The following AK4 variants were observed in gnomAD, a reference collection of about 807,000 sequenced individuals.
The protein encoded by AK4 is adenylate kinase 4.
Under a neutral mutation model 24.6 loss-of-function variants are expected in AK4, and 13 were observed. The ratio of observed to expected loss-of-function variants is 0.53; its 90% CI spans 0.34 to 0.84. The LOEUF (loss-of-function observed/expected upper bound fraction) is 0.84. Among genes scored for constraint, AK4 ranks in the 40% least tolerant of loss-of-function variants. AK4 has a pLI of 0.01. For synonymous variants in AK4, 88 were observed against 107.0 expected, an observed-to-expected ratio of 0.82 and a Z score of 1.10; for missense variants, 192 against 288.2, an observed-to-expected ratio of 0.67 and a Z score of 2.42.
At chr1:65,156,905 G>A (rs1484673022) in intron 1 of AK4, among the ~76,000 whole-genome samples, 6 of 140,424 alleles carry the variant, frequency 4.3e-5, no homozygotes, top group Non-Finnish European at 6.0e-5. Flanking sequence ...CAGCCTGGAC[G>A]ACAGGGCGAG....
intron 2 of AK4, among the ~76,000 whole-genome samples, chr1:65,193,721 C>T (rs769764852): frequency 6.6e-6 from 1 of 152,214 alleles, no homozygotes; most frequent in Admixed American, 6.5e-5. Context: ...AAAGTCAGTC[C>T]TCCATGTGCA....
intron 1 of AK4, chr1:65,148,859 T>G: frequency 7.8e-6 from 2 of 255,930 alleles, no homozygotes; most frequent in Non-Finnish European, 7.3e-6. Context: ...AACCCGGAGC[T>G]TCCGTCTCAC....
chr1:65,172,063 G>GTATATATATATA (rs3051712), intron 1 of AK4, among the ~76,000 whole-genome samples: 935 of 65,530 alleles, frequency 0.014, 68 homozygotes, highest in Non-Finnish European at 0.027. Flanking sequence ...TCCATCTCAA[G>GTATATATATATA]TATATATATA....
intron 1 of AK4, among the ~76,000 whole-genome samples, chr1:65,150,291 T>C (rs908656337): frequency 1.5e-4 from 19 of 128,730 alleles, no homozygotes; most frequent in African/African-American, 6.6e-4. Flanking sequence ...CTCTCTTTTT[T>C]TTTTTTAACT....
intron 3 of AK4, among the ~76,000 whole-genome samples, chr1:65,222,038 G>A (rs537423156): frequency 2.0e-5 from 3 of 152,290 alleles, no homozygotes; most frequent in African/African-American, 7.2e-5. Context: ...GATAGAAGGG[G>A]CTCCAAGTGG....
intron 2 of AK4, among the ~76,000 whole-genome samples, chr1:65,213,365 G>T (rs969669541): frequency 1.3e-5 from 2 of 152,184 alleles, no homozygotes; most frequent in South Asian, 4.1e-4. Context: ...GCTTATGGAA[G>T]TAGTGGCTGT....
chr1:65,200,175 G>A (rs1023759339), intron 2 of AK4, among the ~76,000 whole-genome samples: 2 of 151,800 alleles, frequency 1.3e-5, no homozygotes, highest in African/African-American at 4.8e-5. Flanking sequence ...GTGCAATGGT[G>A]CGATCTTGGC....
intron 2 of AK4, among the ~76,000 whole-genome samples, chr1:65,209,704 C>G (rs1001807244): frequency 5.3e-5 from 8 of 152,194 alleles, no homozygotes; most frequent in Admixed American, 3.3e-4. Context: ...AATGCTGAAG[C>G]TCCCATGCTA....
chr1:65,151,298 A>G (rs1432795749), intron 1 of AK4, among the ~76,000 whole-genome samples: 1 of 152,040 alleles, frequency 6.6e-6, no homozygotes, highest in East Asian at 1.9e-4. Context: ...TATTGATTCT[A>G]ATGTTGCAGT....
At chr1:65,167,390 C>T (rs1417032808) in intron 1 of AK4, among the ~76,000 whole-genome samples, 4 of 151,706 alleles carry the variant, frequency 2.6e-5, no homozygotes, top group Non-Finnish European at 4.4e-5. Flanking sequence ...GTACAGTTTC[C>T]CAGTTTTCTT....
At chr1:65,181,249 C>T (rs573457533) in intron 1 of AK4, among the ~76,000 whole-genome samples, 1 of 151,738 alleles carries the variant, frequency 6.6e-6, no homozygotes. Context: ...TTCCATCTCT[C>T]TCCTCCAGCA....
intron 1 of AK4, among the ~76,000 whole-genome samples, chr1:65,163,252 C>T (rs1285766790): frequency 2.0e-5 from 3 of 152,304 alleles, no homozygotes; most frequent in East Asian, 1.9e-4. Context: ...TTCTTCTCAT[C>T]GTCAACTTTT....
chr1:65,205,065 A>G (rs1042036702), intron 2 of AK4, among the ~76,000 whole-genome samples: 4 of 152,142 alleles, frequency 2.6e-5, no homozygotes, highest in Non-Finnish European at 5.9e-5. Context: ...ATTTTGCTGG[A>G]TATTTTTTTC....
chr1:65,164,651 C>G (rs1018853339), intron 1 of AK4, among the ~76,000 whole-genome samples: 2 of 152,274 alleles, frequency 1.3e-5, no homozygotes, highest in Admixed American at 1.3e-4. Flanking sequence ...ATTCTGGATA[C>G]AAGTCACTTA....
At chr1:65,204,528 A>G (rs1207289829) in intron 2 of AK4, among the ~76,000 whole-genome samples, 2 of 152,192 alleles carry the variant, frequency 1.3e-5, no homozygotes, top group East Asian at 1.9e-4. Flanking sequence ...TAACAGTAAC[A>G]AAACTAAAGT....
chr1:65,176,002 A>G (rs1650702913), intron 1 of AK4, among the ~76,000 whole-genome samples: 1 of 152,196 alleles, frequency 6.6e-6, no homozygotes, highest in South Asian at 2.1e-4. Context: ...TAGGACGTCC[A>G]AAATTTTTTG....
intron 1 of AK4, among the ~76,000 whole-genome samples, chr1:65,178,683 A>G (rs1156231623): frequency 6.6e-6 from 1 of 152,128 alleles, no homozygotes; most frequent in Non-Finnish European, 1.5e-5. Context: ...GCCCAACTCC[A>G]GTGTGGGAAG....
chr1:65,154,579 TGTG>T (rs1649911785), intron 1 of AK4: 4 of 517,106 alleles, frequency 7.7e-6, no homozygotes, highest in Non-Finnish European at 1.5e-5. Flanking sequence ...GATCCAGAAA[TGTG>T]GCCTCAATAC....
intron 2 of AK4, among the ~76,000 whole-genome samples, chr1:65,191,353 T>C (rs1215022911): frequency 6.6e-6 from 1 of 152,060 alleles, no homozygotes; most frequent in Admixed American, 6.6e-5. Flanking sequence ...TGCAAGGAGG[T>C]TTATTTCAGC....
Sources: allele counts gnomAD v4.1 joint callset (sites outside exome capture counted in the v4.1 genomes callset), GRCh38; gene constraint gnomAD v4.1.1; transcripts MANE v1.5; gene names NCBI Gene and HGNC (gene_info 2026-07-23, HGNC 2026-07-21).